The following PTPRD variants were observed in gnomAD, a reference collection of about 807,000 sequenced individuals.
The protein encoded by PTPRD is receptor-type tyrosine-protein phosphatase delta.
A neutral mutation model predicts 214.5 loss-of-function variants in PTPRD; 34 were observed. The ratio of observed to expected loss-of-function variants is 0.16; its 90% CI spans 0.12 to 0.21. The LOEUF is 0.21. PTPRD is among the 10% of genes least tolerant of loss of function. The probability of loss-of-function intolerance (pLI) is 1.00; values close to 1 mark genes in which losing one functional copy is unlikely to be tolerated. For synonymous variants in PTPRD, 1,128 were observed against 845.7 expected, an observed-to-expected ratio of 1.33 and a Z score of -5.79; for missense variants, 2,545 against 2,398.7, an observed-to-expected ratio of 1.06 and a Z score of -1.27.
intron 13 of PTPRD, among the ~76,000 whole-genome samples, chr9:8,636,162 T>G (rs1260523750): frequency 6.6e-6 from 1 of 152,162 alleles, no homozygotes; most frequent in Non-Finnish European, 1.5e-5. Flanking sequence ...TCCATTCCCA[T>G]TCTTCTTGAT....
intron 3 of PTPRD, among the ~76,000 whole-genome samples, chr9:10,315,709 G>C (rs921844091): frequency 1.3e-5 from 2 of 151,838 alleles, no homozygotes; most frequent in African/African-American, 4.8e-5. Context: ...TGCTCCATTA[G>C]CCCTTTACAG....
chr9:8,726,803 GAA>G (rs35672150), intron 12 of PTPRD, among the ~76,000 whole-genome samples: 7,490 of 113,196 alleles, frequency 0.066, 772 homozygotes, highest in African/African-American at 0.23. Context: ...TCCATCTCAA[GAA>G]AAAAAAAAAA....
intron 14 of PTPRD, among the ~76,000 whole-genome samples, chr9:8,606,914 A>G (rs957682451): frequency 6.6e-6 from 1 of 152,212 alleles, no homozygotes; most frequent in Admixed American, 6.5e-5. Flanking sequence ...TCTCTGTAGA[A>G]GCAGGACAAT....
rs1260315152 is a variant in PTPRD, at chr9:9,275,110, ATATATATAT to A, written c.-202-91756_-202-91748del. Among the ~76,000 whole-genome samples the A allele has an allele frequency of 6.5e-3, 416 of 63,740 alleles. 2 individuals are homozygous for A. Among genetic ancestry groups the A allele is most frequent in the Non-Finnish European group, 9.6e-3 (346 of 36,004 alleles). The allele number at this position is 63,740 out of a possible 152,430, so 41.8% of individuals were successfully genotyped here. On this transcript the variant is annotated intron_variant, in intron 9 of 45. Coordinates refer to ENST00000381196, the MANE Select transcript of PTPRD (RefSeq NM_002839.4). The stretch of plus-strand genomic sequence containing the variant: ...ATATATGTTATATATATAATATATT[ATATATATAT>A]TATATATATTATATATAATATATAT...
chr9:10,085,905 T>A (rs758075112), intron 3 of PTPRD, among the ~76,000 whole-genome samples: 11 of 151,804 alleles, frequency 7.2e-5, no homozygotes, highest in Non-Finnish European at 1.3e-4. Flanking sequence ...CCCTACTCTA[T>A]GAAAGTCTCT....
rs796381712 is a variant in PTPRD at position 10,178,050 on chromosome 9, T to G, written c.-544-144260A>C. Among the ~76,000 whole-genome samples the G allele has an allele frequency of 8.5e-5, 13 of 152,086 alleles. 1 individual carries two copies. The highest frequency in any genetic ancestry group is 2.9e-4 in the African/African-American group (12 of 41,560). ...CCACTTAGTGAATCATTACTTGCAC[T>G]GCTTTCCTTGTACTTCTCTTATTTA... On this transcript the variant is annotated intron_variant, in intron 3 of 45. Coordinates refer to ENST00000381196, the MANE Select transcript of PTPRD (RefSeq NM_002839.4).
intron 9 of PTPRD, among the ~76,000 whole-genome samples, chr9:9,218,612 T>C (rs917770681): frequency 1.3e-5 from 2 of 152,112 alleles, no homozygotes; most frequent in Admixed American, 1.3e-4. Context: ...ACATATATAA[T>C]AGGACAGGTA....
chr9:8,888,962 G>T (rs1306319017), intron 11 of PTPRD, among the ~76,000 whole-genome samples: 6 of 152,174 alleles, frequency 3.9e-5, no homozygotes, highest in African/African-American at 1.2e-4. Context: ...TCCTTATAAG[G>T]TTATTGGGAA....
chr9:9,632,086 G>A (rs919256576), intron 7 of PTPRD, among the ~76,000 whole-genome samples: 2 of 152,174 alleles, frequency 1.3e-5, no homozygotes, highest in African/African-American at 4.8e-5. Flanking sequence ...ATGTCCACAT[G>A]AAAACTTGTA....
In PTPRD at chr9:9,298,635, A is replaced by G. The variant is rs1402556886; in HGVS notation, c.-203+98814T>C. 2.0e-5 allele frequency among the ~76,000 whole-genome samples: 3 copies of G among 151,820 alleles called. No homozygotes were observed. In the Admixed American group the frequency reaches 2.0e-4, roughly 10 times the overall value. Reference sequence around the variant, plus strand: ...TAACCAAATCAGTAGAGGAGCAATAAAGAAGCTGAAGCAGGAGGGAAAAGA... The same window carrying G: ...TAACCAAATCAGTAGAGGAGCAATAGAGAAGCTGAAGCAGGAGGGAAAAGA... On this transcript the variant is annotated intron_variant, in intron 9 of 45. Coordinates refer to ENST00000381196, the MANE Select transcript of PTPRD (RefSeq NM_002839.4).
chr9:8,724,409 C>T (rs1194774494), intron 12 of PTPRD, among the ~76,000 whole-genome samples: 1 of 152,124 alleles, frequency 6.6e-6, no homozygotes, highest in Admixed American at 6.6e-5. Context: ...CACCCTGGTC[C>T]CTTGTACCAC....
intron 6 of PTPRD, among the ~76,000 whole-genome samples, chr9:9,762,537 C>G (rs1335431677): frequency 1.3e-5 from 2 of 152,212 alleles, no homozygotes; most frequent in African/African-American, 4.8e-5. Flanking sequence ...CCTTTCAACA[C>G]TTTGCTCAGA....
chr9:9,394,829 G>C (rs761458240), intron 9 of PTPRD, among the ~76,000 whole-genome samples: 5 of 151,948 alleles, frequency 3.3e-5, no homozygotes, highest in Admixed American at 2.0e-4. Context: ...AATCATCTGG[G>C]ATGATTATTA....
At chr9:8,773,143 C>T (rs2095307458) in intron 11 of PTPRD, among the ~76,000 whole-genome samples, 1 of 152,086 alleles carries the variant, frequency 6.6e-6, no homozygotes, top group African/African-American at 2.4e-5. Context: ...AGATTGTTTC[C>T]TTTAGTCTTT....
intron 10 of PTPRD, among the ~76,000 whole-genome samples, chr9:9,022,453 C>T (rs2099573132): frequency 6.6e-6 from 1 of 152,058 alleles, no homozygotes; most frequent in Non-Finnish European, 1.5e-5. Flanking sequence ...TATTTAGATA[C>T]ACATACACTG....
Position 8,436,663 on chromosome 9 carries a change from T to C in PTPRD, c.4015A>G (p.Ile1339Val). 1 of 1,613,282 alleles carries C rather than the reference T, an allele frequency of 6.2e-7. No individual in the cohort carries two copies. The highest frequency in any genetic ancestry group is 8.5e-7 in the Non-Finnish European group (1 of 1,179,594). ...PGMASHPPIP[I>V]LELADHIERL... ...TCAATGTGGTCTGCAAGTTCCAAGA[T>C]GGGTATTGGAGGATGGCTAGCCATA... Residue 1339 changes from isoleucine (I) to valine (V), a missense_variant, in exon 35 of 46, where the codon ATC becomes GTC. By Grantham distance (29) the Ile-to-Val change is conservative. Transcript: ENST00000381196.
intron 11 of PTPRD, among the ~76,000 whole-genome samples, chr9:8,778,106 C>T (rs1358558011): frequency 6.6e-6 from 1 of 152,192 alleles, no homozygotes; most frequent in South Asian, 2.1e-4. Flanking sequence ...ACATTTCCAT[C>T]TGAAAGGTTC....
intron 43 of PTPRD, among the ~76,000 whole-genome samples, chr9:8,338,477 C>G (rs1849127317): frequency 6.6e-6 from 1 of 152,054 alleles, no homozygotes; most frequent in Non-Finnish European, 1.5e-5. Context: ...ATGCCATTTG[C>G]TCTGCGGTTT....
At chr9:9,395,607 T>C (rs889704574) in intron 9 of PTPRD, among the ~76,000 whole-genome samples, 1 of 152,090 alleles carries the variant, frequency 6.6e-6, no homozygotes, top group Admixed American at 6.6e-5. Context: ...AGTGGACCAG[T>C]GGCAGATTTC....
Sources: allele counts gnomAD v4.1 joint callset (sites outside exome capture counted in the v4.1 genomes callset), GRCh38; gene constraint gnomAD v4.1.1; transcripts MANE v1.5; gene names NCBI Gene and HGNC (gene_info 2026-07-23, HGNC 2026-07-21).